LNPEP: variants seen among roughly 807,000 people sequenced by gnomAD.
LNPEP encodes the protein leucyl and cystinyl aminopeptidase.
LNPEP carries 64 observed loss-of-function variants against 120.6 expected under a neutral mutation model. The ratio of observed to expected loss-of-function variants is 0.53; its 90% confidence interval spans 0.43 to 0.65. The LOEUF (loss-of-function observed/expected upper bound fraction) is 0.65, where lower values mean the gene tolerates loss of function less well. Ranked by LOEUF, LNPEP falls within the 30% of genes least tolerant of loss-of-function variation. LNPEP has a pLI of 0.00. For missense variants in LNPEP, 1,057 were observed against 1,200.0 expected (o/e 0.88, Z 1.76); for synonymous variants, 435 against 425.4 (o/e 1.02, Z -0.28).
chr5:97,028,610 A>G lies in LNPEP; in HGVS notation c.*77A>G. 1 of 1,517,020 alleles carries G rather than the reference A, an allele frequency of 6.6e-7. No homozygotes were observed. The highest frequency in any genetic ancestry group is 9.0e-7 in the Non-Finnish European group (1 of 1,105,272). The allele number at this position is 1,517,020 out of a possible 1,614,324, so 94.0% of individuals were successfully genotyped here. A position where few individuals can be genotyped will look rare whatever the true frequency, so the allele number is the denominator to read the frequency against. On this transcript the variant is annotated 3_prime_UTR_variant, in exon 18 of 18. Transcript: ENST00000231368. ...GGGCTCTGCCGCTTTTGCAAAAGCC[A>G]AGGTAAAGCCAGGATCGCTGCCAAG... is the stretch of plus-strand genomic sequence containing the variant.
rs1231693888 is a variant in LNPEP at position 97,036,369 on chromosome 5, T to C, written c.*7836T>C. On this transcript the variant is annotated 3_prime_UTR_variant, in exon 18 of 18. Coordinates refer to ENST00000231368, the MANE Select transcript of LNPEP (RefSeq NM_005575.3). ...CATTGTGTGCTTTCCATTTTGTCTTTAGTGCCTATACTGTTAGGTGTTTTC... is the reference window on the plus strand; with the variant it reads ...CATTGTGTGCTTTCCATTTTGTCTTCAGTGCCTATACTGTTAGGTGTTTTC... 1 of 152,216 alleles carries C rather than the reference T, an allele frequency of 6.6e-6. No individual in the cohort carries two copies. The highest frequency in any genetic ancestry group is 1.5e-5 in the Non-Finnish European group (1 of 68,030). 9.4% of individuals were successfully genotyped at this position (152,216 alleles called of 1,614,324 possible).
rs556954479 is a variant in LNPEP at position 97,026,652 on chromosome 5, G to A, written c.2759G>A (p.Arg920Gln). 3.8e-5 allele frequency: 61 copies of A among 1,613,198 alleles called. No homozygotes were observed. In the Middle Eastern group the frequency reaches 1.8e-3, roughly 48 times the overall value. Reference protein sequence around the residue: ...MKSSLNGDNFRTQKLSFIIRT... With the variant: ...MKSSLNGDNFQTQKLSFIIRT... ...AGTAGCCTGAATGGAGATAACTTCC[G>A]AACACAGAAGCTGTCTTTTATCATT... Residue 920 changes from arginine to glutamine, a missense_variant, in exon 16 of 18, where the codon CGA (arginine) becomes CAA (glutamine). Coordinates refer to ENST00000231368, the MANE Select transcript of LNPEP (RefSeq NM_005575.3).
intron 1 of LNPEP, among the ~76,000 whole-genome samples, chr5:96,958,028 A>C (rs1321263966): frequency 6.6e-6 from 1 of 152,230 alleles, no homozygotes; most frequent in Non-Finnish European, 1.5e-5. Flanking sequence ...TCTGGATAGA[A>C]ATATGGGACT....
At chr5:97,013,310 T>G (rs1199430622) in intron 11 of LNPEP, among the ~76,000 whole-genome samples, 1 of 152,202 alleles carries the variant, frequency 6.6e-6, no homozygotes. Context: ...ATTCGTTGAA[T>G]GCTGTCTTTT....
chr5:97,008,719 C>CAGTGGCGCGAGTG (rs1434501541), intron 11 of LNPEP, among the ~76,000 whole-genome samples: 1 of 134,770 alleles, frequency 7.4e-6, no homozygotes, highest in Admixed American at 8.7e-5. Context: ...GGTGAGAGTG[C>CAGTGGCGCGAGTG]AGTGGCGCGA....
chr5:96,986,598 G>C lies in LNPEP; in HGVS notation c.1059G>C (p.Lys353Asn). ...LVQDEFSESV[K>N]MSTYLVAFIV... is the part of the protein sequence containing the mutation. ...AGGATGAGTTTTCTGAGAGTGTGAA[G>C]ATGAGCACTTACTTGGTTGCTTTCA... Residue 353 changes from lysine to asparagine, a missense_variant, in exon 4 of 18, where the codon AAG becomes AAC. Transcript: ENST00000231368. 1 of 1,613,672 alleles carries C rather than the reference G, an allele frequency of 6.2e-7. No homozygotes were observed. Among genetic ancestry groups the C allele is most frequent in the Non-Finnish European group, 8.5e-7 (1 of 1,179,650 alleles).
chr5:96,978,920 C>A (rs1790060587), intron 1 of LNPEP, among the ~76,000 whole-genome samples: 2 of 152,118 alleles, frequency 1.3e-5, no homozygotes, highest in Admixed American at 1.3e-4. Flanking sequence ...TTTCTTGTTT[C>A]ATAACTGTGG....
At chr5:96,974,614 T>G (rs899518741) in intron 1 of LNPEP, among the ~76,000 whole-genome samples, 2 of 152,164 alleles carry the variant, frequency 1.3e-5, no homozygotes, top group African/African-American at 2.4e-5. Flanking sequence ...CTATGTTTTT[T>G]CCTTGATAAA....
rs564113354 is a variant in LNPEP at position 97,013,613 on chromosome 5, C to T, written c.2036-35C>T. The T allele has an allele frequency of 9.1e-5, 113 of 1,240,186 alleles. No individual in the cohort carries two copies. In the Middle Eastern group the frequency reaches 2.3e-3, roughly 25 times the overall value. 76.8% of individuals were successfully genotyped at this position (1,240,186 alleles called of 1,614,324 possible). ...TTTTTTTTTCTTGTCCAATTGTCTTCTCTCTCAATCTCTCATTTTTTTGGT... is the reference window on the plus strand; with the variant it reads ...TTTTTTTTTCTTGTCCAATTGTCTTTTCTCTCAATCTCTCATTTTTTTGGT... On this transcript the variant is annotated intron_variant, in intron 11 of 17. Transcript: ENST00000231368.
intron 1 of LNPEP, among the ~76,000 whole-genome samples, chr5:96,939,761 G>A (rs1037048425): frequency 7.2e-5 from 11 of 152,020 alleles, no homozygotes; most frequent in African/African-American, 2.7e-4. Context: ...CTTCAAAAAT[G>A]GGAAGTCTGG....
rs1261545502 is a variant in LNPEP, at chr5:97,036,894, T to A, written c.*8361T>A. On this transcript the variant is annotated 3_prime_UTR_variant, in exon 18 of 18. Transcript: ENST00000231368. ...AAGAAAAAAGGGCACCTTTTTGGAG[T>A]TAGTCATGGTAGTCATTAGTGATAT... The A allele has an allele frequency of 1.3e-5, 2 of 152,088 alleles. No individual in the cohort carries two copies. Among genetic ancestry groups the A allele is most frequent in the African/African-American group, 2.4e-5 (1 of 41,448 alleles). 9.4% of individuals were successfully genotyped at this position (152,088 alleles called of 1,614,324 possible). A position where few individuals can be genotyped will look rare whatever the true frequency, so the allele number is the denominator to read the frequency against.
chr5:97,026,609 C>T lies in LNPEP; in HGVS notation c.2724-8C>T, dbSNP rs1047672138. The T allele has an allele frequency of 3.1e-6, 5 of 1,609,502 alleles. No individual in the cohort carries two copies. Among genetic ancestry groups the T allele is most frequent in the Admixed American group, 1.7e-5 (1 of 59,552 alleles). On this transcript the variant is annotated splice_polypyrimidine_tract_variant and splice_region_variant and intron_variant, in intron 15 of 17. Transcript: ENST00000231368. Reference sequence around the variant, plus strand: ...AATTTTGGAGGCTAAATCTGCTTTGCTCTTCAGGTTAATGAAAAGTAGCCT... The same window carrying T: ...AATTTTGGAGGCTAAATCTGCTTTGTTCTTCAGGTTAATGAAAAGTAGCCT...
chr5:96,944,047 C>T (rs543366255), intron 1 of LNPEP, among the ~76,000 whole-genome samples: 1 of 152,282 alleles, frequency 6.6e-6, no homozygotes, highest in African/African-American at 2.4e-5. Flanking sequence ...GGTGTGCTCC[C>T]TTCCTCTTGC....
At chr5:96,938,960 TAAGTA>T (rs1788987248) in intron 1 of LNPEP, among the ~76,000 whole-genome samples, 1 of 145,268 alleles carries the variant, frequency 6.9e-6, no homozygotes. Context: ...GTAAAACTGT[TAAGTA>T]ATAGTGATTT....
intron 1 of LNPEP, among the ~76,000 whole-genome samples, chr5:96,950,929 G>T (rs551983514): frequency 6.6e-6 from 1 of 152,290 alleles, no homozygotes; most frequent in Non-Finnish European, 1.5e-5. Flanking sequence ...CTGTTAGAAT[G>T]AAGTAATACA....
intron 1 of LNPEP, among the ~76,000 whole-genome samples, chr5:96,960,473 A>T (rs1285929327): frequency 6.6e-6 from 1 of 152,178 alleles, no homozygotes; most frequent in East Asian, 1.9e-4. Flanking sequence ...TTAGTTGTTA[A>T]TTGAAATGCA....
intron 1 of LNPEP, among the ~76,000 whole-genome samples, chr5:96,952,973 G>A (rs1329752963): frequency 1.3e-5 from 2 of 151,948 alleles, no homozygotes; most frequent in Non-Finnish European, 1.5e-5. Flanking sequence ...TTTCATACCT[G>A]CCCTGCCATA....
Position 96,936,487 on chromosome 5 carries a change from C to T in LNPEP, c.19+313C>T, listed in dbSNP as rs371694223. ...GTGGGCAGTGGGAAAGTTGGCAGCT[C>T]AGGTTTGCCCCCGGAGGAGGCGGTG... On this transcript the variant is annotated intron_variant, in intron 1 of 17. Transcript: ENST00000231368. The T allele has an allele frequency of 1.2e-4, 36 of 296,304 alleles. 1 individual carries two copies. The highest frequency in any genetic ancestry group is 5.9e-4 in the East Asian group (11 of 18,570). The allele number at this position is 296,304 out of a possible 1,614,324, so 18.4% of individuals were successfully genotyped here.
intron 6 of LNPEP, among the ~76,000 whole-genome samples, chr5:96,994,715 T>G (rs1790467795): frequency 6.6e-6 from 1 of 152,200 alleles, no homozygotes; most frequent in Non-Finnish European, 1.5e-5. Flanking sequence ...TAGGATGTAT[T>G]CTGGTCAGCT....
Sources: gnomAD v4.1 joint callset for allele counts (sites outside exome capture counted in the v4.1 genomes callset) on GRCh38, gnomAD v4.1.1 for gene constraint, MANE v1.5 for transcripts, NCBI Gene and HGNC (gene_info 2026-07-23, HGNC 2026-07-21) for gene names.